The following TRIM28 variants were observed in gnomAD, a reference collection of about 807,000 sequenced individuals.
TRIM28 encodes the protein tripartite motif containing 28, also known as transcription intermediary factor 1-beta.
Under a neutral mutation model 87.4 loss-of-function variants are expected in TRIM28, and 8 were observed. That is an observed-to-expected ratio of 0.09 (90% CI 0.05 to 0.17). The LOEUF is 0.17. Among genes scored for constraint, TRIM28 ranks in the 10% least tolerant of loss-of-function variants. The probability of loss-of-function intolerance (pLI) is 1.00; values close to 1 mark genes in which losing one functional copy is unlikely to be tolerated. For synonymous variants in TRIM28, 601 were observed against 454.3 expected (o/e 1.32, Z -4.11); for missense variants, 968 against 1,131.8 (o/e 0.86, Z 2.08).
intron 3 of TRIM28, 103 bp from the exon 4 acceptor site, chr19:58,547,273 C>A: frequency 6.9e-7 from 1 of 1,457,768 alleles, no homozygotes; most frequent in Non-Finnish European, 9.4e-7. Flanking sequence ...AATAAATGGC[C>A]CAGTGTCACA....
rs774232718 is a variant in TRIM28 at position 58,549,909 on chromosome 19, G to T, written c.2107-40G>T. On this transcript the variant is annotated intron_variant, in intron 14 of 16. Transcript: ENST00000253024. This position sits in a 1 kb window ranked among gnomAD's most constrained non-coding sequence, Gnocchi z 4.4. Reference sequence around the variant, plus strand: ...GGGGTTGCCCAGAGAGGCTTTATAGGTGCTGCCCAGAGCTGTGACATCCCT... The same window carrying T: ...GGGGTTGCCCAGAGAGGCTTTATAGTTGCTGCCCAGAGCTGTGACATCCCT... 1 of 1,614,038 alleles carries T rather than the reference G, an allele frequency of 6.2e-7. No homozygotes were observed. The highest frequency in any genetic ancestry group is 8.5e-7 in the Non-Finnish European group (1 of 1,179,980).
Position 58,549,292 on chromosome 19 carries a change from T to TCTGGAC in TRIM28, c.1663-37_1663-32dup. 1 of 1,585,756 alleles carries TCTGGAC rather than the reference T, an allele frequency of 6.3e-7. No homozygotes were observed. Among genetic ancestry groups the TCTGGAC allele is most frequent in the Non-Finnish European group, 8.6e-7 (1 of 1,162,698 alleles). On this transcript the variant is annotated intron_variant, in intron 12 of 16. Coordinates refer to ENST00000253024, the MANE Select transcript of TRIM28 (RefSeq NM_005762.3). This position sits in a 1 kb window ranked among gnomAD's most constrained non-coding sequence, Gnocchi z 4.4. The stretch of plus-strand genomic sequence containing the variant: ...TGTAGGATGAAGCCTGTAGTCCAGG[T>TCTGGAC]CTGGACCCTGTTGAACACCCCTCAT...
intron 2 of TRIM28, 96 bp from the exon 3 acceptor site, chr19:58,545,668 A>C (rs764815688): frequency 4.4e-5 from 69 of 1,553,146 alleles, no homozygotes; most frequent in Middle Eastern, 1.7e-4. Context: ...GGTTGGGTCA[A>C]GGGACCAATC....
At chr19:58,547,189 C>CTAGA in intron 3 of TRIM28, 187 bp from the exon 4 acceptor site, 8 of 598,706 alleles carry the variant, frequency 1.3e-5, no homozygotes, top group Non-Finnish European at 2.3e-5. Context: ...TATGTTGGGG[C>CTAGA]AGAGGATTCT....
chr19:58,550,220 G>C lies in TRIM28; in HGVS notation c.2267G>C (p.Ser756Thr), dbSNP rs1241481750. 1.2e-6 allele frequency: 2 copies of C among 1,613,966 alleles called. No individual in the cohort carries two copies. The highest frequency in any genetic ancestry group is 2.2e-5 in the East Asian group (1 of 44,894). ...RLQEKLSPPY[S>T]SPQEFAQDVG... The stretch of plus-strand genomic sequence containing the variant: ...CAGGAGAAGTTGTCACCTCCCTACA[G>C]CTCCCCACAGGAGTTTGCCCAGGAT... Residue 756 changes from serine to threonine, a missense_variant, in exon 16 of 17, where the codon AGC becomes ACC. Transcript: ENST00000253024.
chr19:58,548,630 G>GA (rs2053783291), intron 9 of TRIM28, 38 bp downstream of exon 9: 1 of 1,383,580 alleles, frequency 7.2e-7, no homozygotes. Flanking sequence ...GGTGGGCAGG[G>GA]AATGGGGTCC....
intron 3 of TRIM28, among the ~76,000 whole-genome samples, chr19:58,546,569 C>T (rs1359109531): frequency 6.6e-6 from 1 of 152,136 alleles, no homozygotes; most frequent in Non-Finnish European, 1.5e-5. Flanking sequence ...GGGGCCTGAG[C>T]AGCCAGGAGG....
Position 58,545,560 on chromosome 19 carries a change from C to T in TRIM28, c.453+23C>T, listed in dbSNP as rs1211105813. On this transcript the variant is annotated intron_variant, in intron 2 of 16. Coordinates refer to ENST00000253024, the MANE Select transcript of TRIM28 (RefSeq NM_005762.3). ...CAGGTGCGTCCTATCTCAGCAACCA[C>T]AAGGAGGTTTCTGGGGAGGGGGCAT... 7 of 1,585,168 alleles carry T rather than the reference C, an allele frequency of 4.4e-6. No homozygotes were observed. The South Asian group carries it at 5.5e-5, about 13-fold the overall frequency.
Position 58,550,631 on chromosome 19 carries a change from G to T in TRIM28, c.*78G>T. 6.9e-7 allele frequency: 1 copy of T among 1,440,546 alleles called. No homozygotes were observed. The highest frequency in any genetic ancestry group is 9.4e-7 in the Non-Finnish European group (1 of 1,068,234). 89.2% of individuals were successfully genotyped at this position (1,440,546 alleles called of 1,614,324 possible). A position where few individuals can be genotyped will look rare whatever the true frequency, so the allele number is the denominator to read the frequency against. The stretch of plus-strand genomic sequence containing the variant: ...CCCATCCCCACTCCCCTGGTGGCCT[G>T]ACTCCCACTCCCTGGTGGCCCCATC... On this transcript the variant is annotated 3_prime_UTR_variant, in exon 17 of 17. Coordinates refer to ENST00000253024, the MANE Select transcript of TRIM28 (RefSeq NM_005762.3).
chr19:58,544,852 G>T lies in TRIM28; in HGVS notation c.95G>T (p.Arg32Leu), dbSNP rs1321499679. Residue 32 changes from arginine (R) to leucine (L), a missense_variant, in exon 1 of 17, where the codon CGC (arginine) becomes CTC (leucine). Arg to Leu is a moderately radical substitution (Grantham distance 102). This residue lies in a region of TRIM28 where 208 missense variants were observed against 170.9 expected (regional missense o/e 1.22). Transcript: ENST00000253024. ...PGEGSAGGEKRSTAPSAAASA... is the reference protein window; with the variant it reads ...PGEGSAGGEKLSTAPSAAASA... ...GAGGGCTCCGCTGGCGGCGAAAAGCGCTCCACCGCCCCTTCGGCCGCAGCC... is the reference window on the plus strand; with the variant it reads ...GAGGGCTCCGCTGGCGGCGAAAAGCTCTCCACCGCCCCTTCGGCCGCAGCC... 198 of 1,292,420 alleles carry T rather than the reference G, an allele frequency of 1.5e-4. 1 individual carries two copies. The highest frequency in any genetic ancestry group is 1.7e-4 in the Non-Finnish European group (170 of 1,021,214). The allele number at this position is 1,292,420 out of a possible 1,614,324, so 80.1% of individuals were successfully genotyped here.
chr19:58,549,833 G>A lies in TRIM28; in HGVS notation c.2079G>A (p.Val693=), dbSNP rs1600084045. The A allele has an allele frequency of 5.0e-6, 8 of 1,612,484 alleles. No homozygotes were observed. Among genetic ancestry groups the A allele is most frequent in the Non-Finnish European group, 6.8e-6 (8 of 1,178,644 alleles). ...SLDGADSTGV[V]AKLSPANQRK... is the part of the protein sequence containing the mutation. ...ATGGTGCAGACAGCACTGGCGTGGT[G>A]GCCAAGCTCTCACCAGCCAACCAGC... Residue 693 remains valine (V), a synonymous_variant, in exon 14 of 17, where the codon GTG becomes GTA. Coordinates refer to ENST00000253024, the MANE Select transcript of TRIM28 (RefSeq NM_005762.3). The surrounding 1 kb of genome is among the most constrained non-coding windows in gnomAD (Gnocchi z 4.4).
Position 58,545,085 on chromosome 19 carries a change from G to A in TRIM28, c.328G>A (p.Gly110Ser). The A allele has an allele frequency of 7.0e-7, 1 of 1,433,100 alleles. No individual in the cohort carries two copies. The highest frequency in any genetic ancestry group is 9.0e-7 in the Non-Finnish European group (1 of 1,106,656). The allele number at this position is 1,433,100 out of a possible 1,614,324, so 88.8% of individuals were successfully genotyped here. A position where few individuals can be genotyped will look rare whatever the true frequency, so the allele number is the denominator to read the frequency against. ...CAGCTCGGGGGACGGCGGGGCGGCG[G>A]GCGACGGCACCGGTAAGTACGAAGT... is the stretch of plus-strand genomic sequence containing the variant. ...ANSSGDGGAA[G>S]DGTVVDCPVC... Residue 110 changes from glycine to serine, a missense_variant, in exon 1 of 17, where the codon GGC becomes AGC. Gly to Ser is a moderately conservative substitution (Grantham distance 56). This residue lies in a region of TRIM28 where 208 missense variants were observed against 170.9 expected (regional missense o/e 1.22). Transcript: ENST00000253024.
chr19:58,550,651 C>T lies in TRIM28; in HGVS notation c.*98C>T, dbSNP rs1206408618. 5 of 1,237,120 alleles carry T rather than the reference C, an allele frequency of 4.0e-6. No individual in the cohort carries two copies. The African/African-American group carries it at 4.5e-5, about 11-fold the overall frequency. 76.6% of individuals were successfully genotyped at this position (1,237,120 alleles called of 1,614,324 possible). ...GGCCTGACTCCCACTCCCTGGTGGC[C>T]CCATCCCCCAGTTCCTCACGATATG... is the stretch of plus-strand genomic sequence containing the variant. On this transcript the variant is annotated 3_prime_UTR_variant, in exon 17 of 17. Transcript: ENST00000253024.
chr19:58,544,253 T>C lies in TRIM28; in HGVS notation c.-505T>C, dbSNP rs1334368254. 1 of 152,188 alleles carries C rather than the reference T, an allele frequency of 6.6e-6. No individual in the cohort carries two copies. Among genetic ancestry groups the C allele is most frequent in the Non-Finnish European group, 1.5e-5 (1 of 68,136 alleles). 9.4% of individuals were successfully genotyped at this position (152,188 alleles called of 1,614,324 possible). A position where few individuals can be genotyped will look rare whatever the true frequency, so the allele number is the denominator to read the frequency against. ...GGCGGATTCAATTGCGGCAGTGACG[T>C]CACAGAGGCCCCGCCCCGCCCCCAC... is the stretch of plus-strand genomic sequence containing the variant. On this transcript the variant is annotated 5_prime_UTR_variant, in exon 1 of 17. Coordinates refer to ENST00000253024, the MANE Select transcript of TRIM28 (RefSeq NM_005762.3).
chr19:58,547,247 C>G (rs1383844020), intron 3 of TRIM28, 129 bp from the exon 4 acceptor site: 5 of 1,235,156 alleles, frequency 4.0e-6, no homozygotes, highest in African/African-American at 1.5e-5. Flanking sequence ...CCTGGCCACA[C>G]CCTCTACATC....
Position 58,545,597 on chromosome 19 carries a change from G to A in TRIM28, c.453+60G>A, listed in dbSNP as rs554023226. 680 of 1,510,334 alleles carry A rather than the reference G, an allele frequency of 4.5e-4. 8 individuals are homozygous for A. The South Asian group carries it at 7.3e-3, about 16-fold the overall frequency. 93.6% of individuals were successfully genotyped at this position (1,510,334 alleles called of 1,614,324 possible). ...TGGGGAGGGGGCATCTGCGCAGGAG[G>A]AGCTTGGCACCAGCTCCAGGCTGTT... On this transcript the variant is annotated intron_variant, in intron 2 of 16. Coordinates refer to ENST00000253024, the MANE Select transcript of TRIM28 (RefSeq NM_005762.3).
chr19:58,547,553 C>T (rs2053772099), intron 4 of TRIM28, 42 bp downstream of exon 4: 1 of 1,613,502 alleles, frequency 6.2e-7, no homozygotes, highest in East Asian at 2.2e-5. Flanking sequence ...GGGTGCCACC[C>T]CTTCCGTAGC....
At chr19:58,547,270 G>A (rs2053769531) in intron 3 of TRIM28, 106 bp from the exon 4 acceptor site, 2 of 1,427,876 alleles carry the variant, frequency 1.4e-6, no homozygotes, top group Admixed American at 1.9e-5. Flanking sequence ...CCCAATAAAT[G>A]GCCCAGTGTC....
chr19:58,549,371 C>T lies in TRIM28; in HGVS notation c.1703C>T (p.Ala568Val). 1.3e-6 allele frequency: 2 copies of T among 1,572,046 alleles called. No individual in the cohort carries two copies. Among genetic ancestry groups the T allele is most frequent in the Middle Eastern group, 1.7e-4 (1 of 5,840 alleles). Residue 568 changes from alanine (A) to valine (V), a missense_variant, in exon 13 of 17, where the codon GCC becomes GTC. Ala to Val is a moderately conservative substitution (Grantham distance 64). Transcript: ENST00000253024. The surrounding 1 kb of genome is among the most constrained non-coding windows in gnomAD (Gnocchi z 4.4). The part of the protein sequence containing the change: ...TEAAIGAPPT[A>V]TEGPETKPVL... ...GCTGCCATTGGAGCCCCTCCTACTG[C>T]CACTGAGGGCCCTGAGACCAAACCT... is the stretch of plus-strand genomic sequence containing the variant.
Sources: gnomAD v4.1 joint callset for allele counts (sites outside exome capture counted in the v4.1 genomes callset) on GRCh38, gnomAD v4.1.1 for gene constraint, gnomAD v4.1.1 regional missense constraint, Gnocchi (gnomAD v3.1) non-coding constraint, MANE v1.5 for transcripts, NCBI Gene and HGNC (gene_info 2026-07-23, HGNC 2026-07-21) for gene names.